The following SMYD3 variants were observed in gnomAD, a reference collection of about 807,000 sequenced individuals.
SMYD3 encodes histone-lysine N-methyltransferase SMYD3.
In SMYD3, 36 loss-of-function variants were observed where a neutral mutation model predicts 57.7. That is an observed-to-expected ratio of 0.62 (90% confidence interval 0.48 to 0.82). SMYD3 has a LOEUF of 0.82. SMYD3 is among the 40% of genes least tolerant of loss of function. The probability of loss-of-function intolerance (pLI) is 0.00; values close to 1 mark genes in which losing one functional copy is unlikely to be tolerated. For missense variants in SMYD3, 515 were observed against 538.8 expected (o/e 0.96, Z 0.44); for synonymous variants, 211 against 195.0 (o/e 1.08, Z -0.68).
At chr1:246,458,613 ATTTTT>A (rs74163446) in intron 1 of SMYD3, among the ~76,000 whole-genome samples, 3 of 46,876 alleles carry the variant, frequency 6.4e-5, no homozygotes, top group African/African-American at 8.5e-5. Flanking sequence ...CGCCTGGCTG[ATTTTT>A]TTTTTTTTTT....
chr1:246,083,467 G>A (rs892612905), intron 5 of SMYD3, among the ~76,000 whole-genome samples: 18 of 152,202 alleles, frequency 1.2e-4, no homozygotes, highest in African/African-American at 3.4e-4. Context: ...AGAAATGCCC[G>A]ATAATGATCG....
intron 1 of SMYD3, among the ~76,000 whole-genome samples, chr1:246,505,337 C>T (rs1441983707): frequency 1.3e-5 from 2 of 152,068 alleles, no homozygotes; most frequent in African/African-American, 4.8e-5. Context: ...TTAGCCAATC[C>T]AAGACACTCA....
At chr1:246,209,184 A>G (rs958328624) in intron 5 of SMYD3, among the ~76,000 whole-genome samples, 11 of 152,148 alleles carry the variant, frequency 7.2e-5, no homozygotes, top group African/African-American at 2.2e-4. Context: ...TACACATTCA[A>G]TGAACATCAT....
At chr1:246,170,839 T>C (rs1047451968) in intron 5 of SMYD3, among the ~76,000 whole-genome samples, 1 of 152,230 alleles carries the variant, frequency 6.6e-6, no homozygotes. Context: ...AGTAATCTTC[T>C]ACATTTCTTA....
intron 5 of SMYD3, among the ~76,000 whole-genome samples, chr1:246,148,404 C>G (rs909070128): frequency 6.6e-6 from 1 of 152,044 alleles, no homozygotes; most frequent in African/African-American, 2.4e-5. Flanking sequence ...AGATGACCTG[C>G]CTACAGAGAG....
chr1:246,458,618 T>TA (rs1400282280), intron 1 of SMYD3, among the ~76,000 whole-genome samples: 1 of 134,232 alleles, frequency 7.4e-6, no homozygotes, highest in Non-Finnish European at 1.6e-5. Context: ...GGCTGATTTT[T>TA]TTTTTTTTTT....
At chr1:246,229,865 A>G (rs1277835443) in intron 5 of SMYD3, among the ~76,000 whole-genome samples, 1 of 152,180 alleles carries the variant, frequency 6.6e-6, no homozygotes, top group African/African-American at 2.4e-5. Flanking sequence ...GTGCCTTTCA[A>G]GCGTTTTGAG....
At chr1:245,846,902 C>T (rs2050692966) in intron 10 of SMYD3, among the ~76,000 whole-genome samples, 1 of 152,222 alleles carries the variant, frequency 6.6e-6, no homozygotes, top group Non-Finnish European at 1.5e-5. Context: ...CTCTTTCATA[C>T]TGAAGGGCAG....
chr1:245,795,677 C>T (rs1489558118), intron 10 of SMYD3, among the ~76,000 whole-genome samples: 2 of 152,274 alleles, frequency 1.3e-5, no homozygotes, highest in South Asian at 2.1e-4. Context: ...CCTCATGCCA[C>T]GGGCCCATGC....
At chr1:245,956,041 C>T (rs1389630846) in intron 5 of SMYD3, 1 of 985,086 alleles carries the variant, frequency 1.0e-6, no homozygotes, top group African/African-American at 1.7e-5. Context: ...TACAAATGAC[C>T]CTATGTTCAT....
intron 5 of SMYD3, among the ~76,000 whole-genome samples, chr1:246,086,392 A>G (rs193108884): frequency 6.6e-6 from 1 of 152,168 alleles, no homozygotes; most frequent in East Asian, 1.9e-4. Context: ...TGCATGAGTC[A>G]GTCTGAGACT....
rs142686609 is a variant in SMYD3 at position 246,307,701 on chromosome 1, G to C, written c.531+19500C>G. 8.4e-4 allele frequency among the ~76,000 whole-genome samples: 128 copies of C among 152,214 alleles called. 1 individual carries two copies. In the East Asian group the frequency reaches 0.022, roughly 26 times the overall value. On this transcript the variant is annotated intron_variant, in intron 5 of 11. Transcript: ENST00000490107. ...CCCAAAGTGCTGGGACTACAGGCGT[G>C]AGCCACCGCGCCCGGCCAAATTAGG... is the stretch of plus-strand genomic sequence containing the variant.
At chr1:246,227,956 CTTTTTT>C (rs202246263) in intron 5 of SMYD3, among the ~76,000 whole-genome samples, 5 of 115,570 alleles carry the variant, frequency 4.3e-5, no homozygotes, top group African/African-American at 1.5e-4. Context: ...ATTTTTATTC[CTTTTTT>C]TTTTTTTTTT....
chr1:246,337,570 T>C (rs1319678478), intron 2 of SMYD3, among the ~76,000 whole-genome samples: 2 of 152,204 alleles, frequency 1.3e-5, no homozygotes, highest in Non-Finnish European at 2.9e-5. Context: ...ACCTGTCAGA[T>C]GCTCTCATGG....
At position 246,227,639 on chromosome 1, in the gene SMYD3, G is replaced by T. The variant is rs534567752; in HGVS notation, c.531+99562C>A. Among the ~76,000 whole-genome samples the T allele has an allele frequency of 5.3e-5, 8 of 151,706 alleles. No homozygotes were observed. In the South Asian group the frequency reaches 1.3e-3, roughly 24 times the overall value. On this transcript the variant is annotated intron_variant, in intron 5 of 11. Transcript: ENST00000490107. ...CAAAAAAAAAGAAGAGAAGAAAGAAGAAGAAGGAAGAAGGAAGAAGAAGAC... is the reference window on the plus strand; with the variant it reads ...CAAAAAAAAAGAAGAGAAGAAAGAATAAGAAGGAAGAAGGAAGAAGAAGAC...
At chr1:246,287,654 G>A (rs1255945978) in intron 5 of SMYD3, among the ~76,000 whole-genome samples, 3 of 152,158 alleles carry the variant, frequency 2.0e-5, no homozygotes, top group Non-Finnish European at 4.4e-5. Flanking sequence ...ATTTGGGGGG[G>A]TTTTGTGTGG....
At chr1:245,993,239 C>T (rs1291499173) in intron 5 of SMYD3, among the ~76,000 whole-genome samples, 1 of 152,090 alleles carries the variant, frequency 6.6e-6, no homozygotes, top group African/African-American at 2.4e-5. Flanking sequence ...AAGACTGAAG[C>T]AAAGAGAGTT....
chr1:245,824,966 G>A (rs2049399664), intron 10 of SMYD3, among the ~76,000 whole-genome samples: 1 of 152,126 alleles, frequency 6.6e-6, no homozygotes. Context: ...GAGAGGCAGA[G>A]GTTGCAGTCA....
chr1:246,343,653 C>T (rs1383578607), intron 2 of SMYD3, among the ~76,000 whole-genome samples: 1 of 152,170 alleles, frequency 6.6e-6, no homozygotes, highest in African/African-American at 2.4e-5. Flanking sequence ...TCTCAAAACA[C>T]CCCTTCTCTA....
Sources: gnomAD v4.1 joint callset for allele counts (sites outside exome capture counted in the v4.1 genomes callset) on GRCh38, gnomAD v4.1.1 for gene constraint, MANE v1.5 for transcripts, NCBI Gene and HGNC (gene_info 2026-07-23, HGNC 2026-07-21) for gene names.